The following PPP2R2B variants were observed in gnomAD, a reference collection of about 807,000 sequenced individuals.
PPP2R2B encodes protein phosphatase 2 regulatory subunit Bbeta.
A neutral mutation model predicts 46.0 loss-of-function variants in PPP2R2B; 5 were observed. That is an observed-to-expected ratio of 0.11 (90% CI 0.06 to 0.23). The LOEUF is 0.23. Among genes scored for constraint, PPP2R2B ranks in the 10% least tolerant of loss-of-function variants. PPP2R2B has a pLI of 1.00. For missense variants in PPP2R2B, 367 were observed against 575.0 expected (o/e 0.64, Z 3.70); for synonymous variants, 215 against 206.7 (o/e 1.04, Z -0.34).
chr5:146,847,686 A>T (rs1446951468), intron 2 of PPP2R2B, among the ~76,000 whole-genome samples: 1 of 152,232 alleles, frequency 6.6e-6, no homozygotes, highest in African/African-American at 2.4e-5. Flanking sequence ...GTGAGCAGAC[A>T]GCAGCAGCAG....
chr5:146,946,411 G>A (rs974829199), intron 1 of PPP2R2B, among the ~76,000 whole-genome samples: 2 of 152,088 alleles, frequency 1.3e-5, no homozygotes, highest in Admixed American at 6.6e-5. Context: ...GTTCTGGGGT[G>A]TAAGTTAGAG....
chr5:146,823,352 A>G lies in PPP2R2B; in HGVS notation c.70+54650T>C, dbSNP rs376475501. Among the ~76,000 whole-genome samples the G allele has an allele frequency of 2.7e-4, 41 of 151,946 alleles. 1 individual carries two copies. The South Asian group carries it at 8.5e-3, about 32-fold the overall frequency. ...AGCTGGGACTACAGGCGCCCACCAC[A>G]AGGCCCGCCTAATTTTTTTTATTTT... is the stretch of plus-strand genomic sequence containing the variant. On this transcript the variant is annotated intron_variant, in intron 2 of 9. Transcript: ENST00000394411.
rs377398508 is a variant in PPP2R2B, at chr5:146,972,637, G to A, written c.79+83028C>T. 1.3e-4 allele frequency among the ~76,000 whole-genome samples: 20 copies of A among 152,158 alleles called. No homozygotes were observed. In the East Asian group the frequency reaches 3.3e-3, roughly 25 times the overall value. On this transcript the variant is annotated intron_variant, in intron 1 of 8. Coordinates refer to the PPP2R2B transcript ENST00000336640. ...TGAGGCAGGAGAATCACTTGAACAC[G>A]GGAGGCAGAGGTCGAAGTCAGCTGA...
intron 2 of PPP2R2B, chr5:146,701,364 G>A: frequency 1.5e-6 from 1 of 677,086 alleles, no homozygotes; most frequent in African/African-American, 1.8e-5. Context: ...GGAACATCTG[G>A]AGAGAATAAA....
intron 1 of PPP2R2B, among the ~76,000 whole-genome samples, chr5:146,908,762 T>C (rs1049986057): frequency 6.7e-5 from 10 of 150,288 alleles, no homozygotes; most frequent in African/African-American, 2.5e-4. Context: ...TCATGCCTTC[T>C]TTCTTCCTTT....
intron 8 of PPP2R2B, among the ~76,000 whole-genome samples, chr5:146,597,862 G>A (rs1389399000): frequency 6.6e-6 from 1 of 152,162 alleles, no homozygotes; most frequent in African/African-American, 2.4e-5. Flanking sequence ...TCCTTTGATA[G>A]ATGAATTATC....
intron 2 of PPP2R2B, among the ~76,000 whole-genome samples, chr5:146,770,993 A>C (rs1388540447): frequency 6.6e-6 from 1 of 152,210 alleles, no homozygotes; most frequent in East Asian, 1.9e-4. Context: ...TGGGCCATCC[A>C]TGCTCTACCA....
At chr5:146,928,006 C>T (rs1275411705) in intron 1 of PPP2R2B, among the ~76,000 whole-genome samples, 1 of 152,248 alleles carries the variant, frequency 6.6e-6, no homozygotes, top group East Asian at 1.9e-4. Flanking sequence ...TCCCAAAGTG[C>T]TGGGATTACA....
At chr5:146,706,320 AGC>A in intron 2 of PPP2R2B, 1 of 556,680 alleles carries the variant, frequency 1.8e-6, no homozygotes, top group Non-Finnish European at 3.3e-6. Flanking sequence ...CCTGCGCCAG[AGC>A]GAGAGCTGGA....
At chr5:146,683,126 G>A (rs1198312584) in intron 5 of PPP2R2B, among the ~76,000 whole-genome samples, 1 of 152,098 alleles carries the variant, frequency 6.6e-6, no homozygotes, top group Non-Finnish European at 1.5e-5. Context: ...TGTTCCCAGA[G>A]TCTGATGATC....
At chr5:147,060,029 A>G (rs1757210941), upstream of PPP2R2B, among the ~76,000 whole-genome samples, 1 of 152,180 alleles carries the variant, frequency 6.6e-6, no homozygotes, top group African/African-American at 2.4e-5. Flanking sequence ...GAAAGAAACT[A>G]AATCCCAGGA....
chr5:146,847,799 T>C (rs1760097062), intron 2 of PPP2R2B, among the ~76,000 whole-genome samples: 1 of 152,220 alleles, frequency 6.6e-6, no homozygotes, highest in South Asian at 2.1e-4. Flanking sequence ...TTTCCTATTA[T>C]ATTATTCTCT....
intron 2 of PPP2R2B, among the ~76,000 whole-genome samples, chr5:146,731,366 A>G (rs1752218609): frequency 6.6e-6 from 1 of 152,230 alleles, no homozygotes; most frequent in South Asian, 2.1e-4. Context: ...AGGGTCTTAT[A>G]GTATCCATTG....
At chr5:146,745,198 GAGAGAGAGAA>G (rs765806034) in intron 2 of PPP2R2B, among the ~76,000 whole-genome samples, 4,490 of 132,940 alleles carry the variant, frequency 0.034, 136 homozygotes, top group South Asian at 0.082. Context: ...GAGAGAGAGA[GAGAGAGAGAA>G]AGAGACTATA....
At chr5:147,055,932 G>A in exon 1 of PPP2R2B, 1 of 1,416,900 alleles carries the variant, frequency 7.1e-7, no homozygotes, top group Non-Finnish European at 9.2e-7. Context: ...AGGAAGCACT[G>A]CCTTACATTT....
intron 1 of PPP2R2B, among the ~76,000 whole-genome samples, chr5:146,941,151 T>G (rs1298759359): frequency 1.3e-5 from 2 of 152,134 alleles, no homozygotes; most frequent in African/African-American, 4.8e-5. Flanking sequence ...CAATAAGATT[T>G]TATAGCAATC....
chr5:146,675,023 C>T (rs980086315), intron 5 of PPP2R2B, among the ~76,000 whole-genome samples: 16 of 152,198 alleles, frequency 1.1e-4, no homozygotes, highest in African/African-American at 3.6e-4. Context: ...AGTTCAGTGG[C>T]ACGATCTCAG....
intron 5 of PPP2R2B, among the ~76,000 whole-genome samples, chr5:146,680,380 C>A (rs963905485): frequency 2.1e-5 from 3 of 140,150 alleles, no homozygotes; most frequent in Non-Finnish European, 4.5e-5. Flanking sequence ...GAATATCACA[C>A]TCTGGGGACT....
intron 2 of PPP2R2B, among the ~76,000 whole-genome samples, chr5:146,768,143 A>G (rs1754606953): frequency 6.6e-6 from 1 of 151,852 alleles, no homozygotes; most frequent in Non-Finnish European, 1.5e-5. Context: ...GCACACTCAC[A>G]GCTCACTACA....
Sources: allele counts gnomAD v4.1 joint callset (sites outside exome capture counted in the v4.1 genomes callset), GRCh38; gene constraint gnomAD v4.1.1; transcripts MANE v1.5; gene names NCBI Gene and HGNC (gene_info 2026-07-23, HGNC 2026-07-21).